The following PLCE1 variants were observed in gnomAD, a reference collection of about 807,000 sequenced individuals.
The protein encoded by PLCE1 is phospholipase C epsilon 1.
PLCE1 carries 119 observed loss-of-function variants against 242.8 expected under a neutral mutation model. That is an observed-to-expected ratio of 0.49 (90% CI 0.42 to 0.57). The LOEUF (loss-of-function observed/expected upper bound fraction) is 0.57, where lower values mean the gene tolerates loss of function less well. Among genes scored for constraint, PLCE1 ranks in the 20% least tolerant of loss-of-function variants. The pLI is 0.00. For missense variants in PLCE1, 2,441 were observed against 2,788.8 expected (o/e 0.88, Z 2.81); for synonymous variants, 945 against 1,017.4 (o/e 0.93, Z 1.35).
rs1376217223 is a variant in PLCE1 at position 94,108,646 on chromosome 10, C to G, written c.1207-23528C>G. 15 of 152,216 alleles carry G rather than the reference C, an allele frequency of 9.9e-5. 1 individual carries two copies. Among genetic ancestry groups the G allele is most frequent in the Admixed American group, 9.8e-4 (15 of 15,284 alleles). The allele number at this position is 152,216 out of a possible 1,614,324, so 9.4% of individuals were successfully genotyped here. A position where few individuals can be genotyped will look rare whatever the true frequency, so the allele number is the denominator to read the frequency against. ...GGTCATTTTTATACCCCCTCCACCC[C>G]CTGCTTCCCCTGCTGATATCTTGGT... is the stretch of plus-strand genomic sequence containing the variant. On this transcript the variant is annotated intron_variant, in intron 2 of 32. Coordinates refer to ENST00000371380, the MANE Select transcript of PLCE1 (RefSeq NM_016341.4).
At chr10:94,263,219 A>G (rs1266555175) in intron 14 of PLCE1, among the ~76,000 whole-genome samples, 1 of 152,020 alleles carries the variant, frequency 6.6e-6, no homozygotes, top group Non-Finnish European at 1.5e-5. Context: ...TTTTTAACAA[A>G]ATACCAAGTA....
intron 1 of PLCE1, among the ~76,000 whole-genome samples, 108 bp downstream of exon 1, chr10:93,994,366 C>A (rs560655124): frequency 6.6e-6 from 1 of 152,344 alleles, no homozygotes; most frequent in East Asian, 1.9e-4. Context: ...CCCGACTCCG[C>A]GTACCTGGCG....
At chr10:94,018,363 G>T (rs968277088) in intron 1 of PLCE1, among the ~76,000 whole-genome samples, 1 of 152,152 alleles carries the variant, frequency 6.6e-6, no homozygotes, top group African/African-American at 2.4e-5. Flanking sequence ...GCTTGCCCAG[G>T]ATAGTTCTAC....
chr10:94,106,950 C>T (rs1326429435), intron 2 of PLCE1: 2 of 121,734 alleles, frequency 1.6e-5, no homozygotes, highest in Non-Finnish European at 3.5e-5. Context: ...CTCTCCCCCT[C>T]CCCTCCCCCC....
chr10:94,007,780 CACACAT>C (rs2061074713), intron 1 of PLCE1, among the ~76,000 whole-genome samples: 1 of 135,744 alleles, frequency 7.4e-6, no homozygotes, highest in Non-Finnish European at 1.5e-5. Flanking sequence ...TACATAGTTA[CACACAT>C]GCACATGCAC....
At chr10:94,114,154 C>T (rs927369873) in intron 2 of PLCE1, among the ~76,000 whole-genome samples, 3 of 152,118 alleles carry the variant, frequency 2.0e-5, no homozygotes, top group South Asian at 2.1e-4. Flanking sequence ...AAGTCGCAGC[C>T]GAAGGTGACT....
intron 4 of PLCE1, chr10:94,227,004 G>A (rs1349508967): frequency 2.8e-6 from 1 of 353,524 alleles, no homozygotes; most frequent in Non-Finnish European, 5.5e-6. Flanking sequence ...AGCTTCCCAA[G>A]TAGTTGGAAT....
intron 1 of PLCE1, among the ~76,000 whole-genome samples, chr10:94,015,715 G>T (rs1234961956): frequency 2.0e-5 from 3 of 152,176 alleles, no homozygotes; most frequent in Non-Finnish European, 2.9e-5. Context: ...AAATGGGAAT[G>T]AATAGGCCAG....
chr10:94,133,100 C>G (rs2046658970), intron 3 of PLCE1, among the ~76,000 whole-genome samples: 1 of 151,638 alleles, frequency 6.6e-6, no homozygotes, highest in Non-Finnish European at 1.5e-5. Flanking sequence ...TGACAAGATG[C>G]TAGGAAACAA....
intron 1 of PLCE1, among the ~76,000 whole-genome samples, chr10:94,025,977 C>T (rs1157061455): frequency 1.3e-5 from 2 of 152,138 alleles, no homozygotes; most frequent in Non-Finnish European, 2.9e-5. Context: ...TATTATAATG[C>T]AAAAGCAGCT....
At chr10:94,167,786 T>G (rs1427778386) in intron 3 of PLCE1, among the ~76,000 whole-genome samples, 1 of 151,452 alleles carries the variant, frequency 6.6e-6, no homozygotes, top group Non-Finnish European at 1.5e-5. Context: ...AATGATGGTT[T>G]CCAGCTTCAT....
intron 2 of PLCE1, among the ~76,000 whole-genome samples, chr10:94,047,298 G>A (rs2043622020): frequency 6.6e-6 from 1 of 152,186 alleles, no homozygotes; most frequent in Non-Finnish European, 1.5e-5. Flanking sequence ...CATGGGAGAA[G>A]TGGGATATTA....
chr10:94,228,825 C>A (rs2050040806), intron 5 of PLCE1, among the ~76,000 whole-genome samples: 1 of 151,996 alleles, frequency 6.6e-6, no homozygotes, highest in Non-Finnish European at 1.5e-5. Context: ...AAAAACAAAG[C>A]CTTGGAGAAC....
intron 2 of PLCE1, among the ~76,000 whole-genome samples, chr10:94,032,770 CA>C (rs1214754939): frequency 6.6e-6 from 1 of 151,966 alleles, no homozygotes; most frequent in Non-Finnish European, 1.5e-5. Flanking sequence ...AAATAGAAAT[CA>C]TCATAAAGGA....
At chr10:94,179,530 T>TTTTTTTTTTGA (rs10636243) in intron 4 of PLCE1, among the ~76,000 whole-genome samples, 33,515 of 118,176 alleles carry the variant, frequency 0.28, 5,714 homozygotes, top group East Asian at 0.41. Context: ...TTTTTTTTTT[T>TTTTTTTTTTGA]GACAGGGTCT....
In PLCE1 at chr10:94,030,760, G is replaced by A. The variant is rs17506379; in HGVS notation, c.-287G>A. 4.6e-3 allele frequency: 1,991 copies of A among 428,654 alleles called. 4 individuals carry two copies. The highest frequency in any genetic ancestry group is 7.0e-3 in the Non-Finnish European group (1,643 of 234,844). The allele number at this position is 428,654 out of a possible 1,614,324, so 26.6% of individuals were successfully genotyped here. ...ATCAGAAGTTGCAGAGTGCAATCCC[G>A]AGTAAAAGTCTTCAAAAAATTTTGC... On this transcript the variant is annotated 5_prime_UTR_variant, in exon 2 of 33. Transcript: ENST00000371380.
At chr10:94,240,612 G>A (rs868863717) in intron 7 of PLCE1, among the ~76,000 whole-genome samples, 1 of 152,062 alleles carries the variant, frequency 6.6e-6, no homozygotes, top group Admixed American at 6.5e-5. Flanking sequence ...TCATGTTCAA[G>A]GGATTATGTT....
intron 2 of PLCE1, among the ~76,000 whole-genome samples, chr10:94,110,192 A>G (rs1378590369): frequency 6.9e-5 from 10 of 145,054 alleles, no homozygotes; most frequent in Admixed American, 5.0e-4. Flanking sequence ...CCTCCCGACT[A>G]GCTGGGACTA....
chr10:94,308,552 A>G, intron 26 of PLCE1, 29 bp from the exon 27 acceptor site: 2 of 1,461,062 alleles, frequency 1.4e-6, no homozygotes, highest in Non-Finnish European at 1.9e-6. Context: ...CATGGTTAAC[A>G]AGCTTTTCCC....
Sources: allele counts gnomAD v4.1 joint callset (sites outside exome capture counted in the v4.1 genomes callset), GRCh38; gene constraint gnomAD v4.1.1; transcripts MANE v1.5; gene names NCBI Gene and HGNC (gene_info 2026-07-23, HGNC 2026-07-21).